Variants in PHLPP1 observed in about 807,000 individuals in gnomAD.
The protein encoded by PHLPP1 is PH domain and leucine rich repeat protein phosphatase 1.
PHLPP1 carries 42 observed loss-of-function variants against 117.2 expected under a neutral mutation model. That is an observed-to-expected ratio of 0.36 (90% confidence interval 0.28 to 0.46). PHLPP1 has a LOEUF of 0.46. Among genes scored for constraint, PHLPP1 ranks in the 20% least tolerant of loss-of-function variants. The pLI, the probability that PHLPP1 is intolerant of heterozygous loss-of-function variation, is 1.00. For missense variants in PHLPP1, 2,084 were observed against 2,241.9 expected (o/e 0.93, Z 1.42); for synonymous variants, 1,042 against 970.7 (o/e 1.07, Z -1.37).
At chr18:62,858,159 C>T (rs692916) in intron 3 of PHLPP1, among the ~76,000 whole-genome samples, 74,733 of 151,982 alleles carry the variant, frequency 0.49, 18,502 homozygotes, top group Middle Eastern at 0.56. Flanking sequence ...TCAGTAAAGT[C>T]TTTAGAGATA....
At chr18:62,772,603 G>A (rs1343942520) in intron 1 of PHLPP1, among the ~76,000 whole-genome samples, 6 of 152,016 alleles carry the variant, frequency 3.9e-5, no homozygotes, top group Admixed American at 3.9e-4. Flanking sequence ...GCCGATGTGG[G>A]TGGATCGCAT....
At chr18:62,851,972 G>C (rs375393466) in intron 3 of PHLPP1, among the ~76,000 whole-genome samples, 39 of 152,004 alleles carry the variant, frequency 2.6e-4, no homozygotes, top group African/African-American at 8.4e-4. Context: ...AAGCTTCTGG[G>C]CTCAAGGATT....
At chr18:62,894,688 G>GGAA (rs1406897041) in intron 4 of PHLPP1, among the ~76,000 whole-genome samples, 3 of 152,208 alleles carry the variant, frequency 2.0e-5, no homozygotes, top group Non-Finnish European at 4.4e-5. Context: ...CTTCACTGGG[G>GGAA]CCATTTACAC....
chr18:62,831,342 CT>C (rs11293256), intron 2 of PHLPP1, among the ~76,000 whole-genome samples: 29,044 of 143,032 alleles, frequency 0.2, 3,928 homozygotes, highest in African/African-American at 0.4. Flanking sequence ...TTTTCTTTTT[CT>C]TTTTTTTTTT....
intron 1 of PHLPP1, among the ~76,000 whole-genome samples, chr18:62,785,134 G>A (rs1913241172): frequency 6.6e-6 from 1 of 152,210 alleles, no homozygotes; most frequent in South Asian, 2.1e-4. Flanking sequence ...CTGATAGGGA[G>A]GGAATAGAGA....
At chr18:62,747,701 G>A (rs184495256) in intron 1 of PHLPP1, among the ~76,000 whole-genome samples, 52 of 151,816 alleles carry the variant, frequency 3.4e-4, no homozygotes, top group African/African-American at 1.2e-3. Context: ...AAAATGTTTT[G>A]TAGAGACGGG....
At chr18:62,842,258 TAAC>T (rs1226789818) in intron 3 of PHLPP1, among the ~76,000 whole-genome samples, 1 of 152,182 alleles carries the variant, frequency 6.6e-6, no homozygotes, top group Non-Finnish European at 1.5e-5. Flanking sequence ...TTGCTGCTCT[TAAC>T]AACCATGGCA....
At chr18:62,743,522 C>T in intron 1 of PHLPP1, among the ~76,000 whole-genome samples, 1 of 152,026 alleles carries the variant, frequency 6.6e-6, no homozygotes, top group East Asian at 1.9e-4. Flanking sequence ...TAAGTATCGC[C>T]ATACAGAAAT....
chr18:62,764,200 AAC>A (rs1289667280), intron 1 of PHLPP1, among the ~76,000 whole-genome samples: 1 of 151,878 alleles, frequency 6.6e-6, no homozygotes, highest in Non-Finnish European at 1.5e-5. Flanking sequence ...CAACCAAAAA[AAC>A]ACAAAACAAA....
chr18:62,954,071 A>G (rs1910545773), intron 12 of PHLPP1, among the ~76,000 whole-genome samples: 1 of 152,236 alleles, frequency 6.6e-6, no homozygotes, highest in Admixed American at 6.5e-5. Flanking sequence ...CTATACATCA[A>G]GTTGAATTTC....
At chr18:62,771,883 C>A (rs987065288) in intron 1 of PHLPP1, among the ~76,000 whole-genome samples, 17 of 152,372 alleles carry the variant, frequency 1.1e-4, no homozygotes, top group African/African-American at 3.4e-4. Context: ...GCAGTGTTAA[C>A]AATGTCCATT....
At chr18:62,870,584 A>G (rs1420508887) in intron 4 of PHLPP1, among the ~76,000 whole-genome samples, 1 of 152,228 alleles carries the variant, frequency 6.6e-6, no homozygotes, top group Non-Finnish European at 1.5e-5. Context: ...CTAAGTTTCA[A>G]GGAATTAAGT....
At chr18:62,826,411 T>C (rs1027528584) in intron 1 of PHLPP1, among the ~76,000 whole-genome samples, 3 of 152,216 alleles carry the variant, frequency 2.0e-5, no homozygotes, top group African/African-American at 7.2e-5. Flanking sequence ...TGGCTACCAA[T>C]GTTTCAAATC....
rs555704654 is a variant in PHLPP1, at chr18:62,753,798, G to A, written c.1576+36539G>A. 1.2e-4 allele frequency among the ~76,000 whole-genome samples: 19 copies of A among 152,288 alleles called. 1 individual carries two copies. The South Asian group carries it at 3.5e-3, about 28-fold the overall frequency. ...AGATTATGACTTTTTAAAGTTTGCA[G>A]TTTATTTCTCTGCAAGTTCAATTAA... On this transcript the variant is annotated intron_variant, in intron 1 of 16. Transcript: ENST00000262719.
intron 15 of PHLPP1, among the ~76,000 whole-genome samples, chr18:62,974,109 TG>T (rs1911125680): frequency 6.6e-6 from 1 of 152,168 alleles, no homozygotes; most frequent in Non-Finnish European, 1.5e-5. Flanking sequence ...CCTCAAGCAC[TG>T]GGTAAGAATT....
At chr18:62,977,601 T>C (rs560919801) in intron 16 of PHLPP1, among the ~76,000 whole-genome samples, 2 of 152,346 alleles carry the variant, frequency 1.3e-5, no homozygotes, top group East Asian at 3.9e-4. Flanking sequence ...TTGGCATTTC[T>C]TCTTTAGCAT....
At chr18:62,806,184 A>T (rs1225281327) in intron 1 of PHLPP1, among the ~76,000 whole-genome samples, 4 of 152,162 alleles carry the variant, frequency 2.6e-5, no homozygotes, top group Admixed American at 6.6e-5. Context: ...TCTATCTGTG[A>T]TGTATGTATA....
At chr18:62,818,269 G>A (rs532366506) in intron 1 of PHLPP1, among the ~76,000 whole-genome samples, 5 of 152,238 alleles carry the variant, frequency 3.3e-5, no homozygotes, top group African/African-American at 7.2e-5. Context: ...AGTGGCTCAC[G>A]CCTGTAATCT....
chr18:62,756,811 T>C (rs965045327), intron 1 of PHLPP1, among the ~76,000 whole-genome samples: 1 of 152,212 alleles, frequency 6.6e-6, no homozygotes, highest in African/African-American at 2.4e-5. Flanking sequence ...AGAATCTCTT[T>C]GTTGGAGTTA....
Sources: gnomAD v4.1 joint callset for allele counts (sites outside exome capture counted in the v4.1 genomes callset) on GRCh38, gnomAD v4.1.1 for gene constraint, MANE v1.5 for transcripts, NCBI Gene and HGNC (gene_info 2026-07-23, HGNC 2026-07-21) for gene names.